Variants in MALRD1 observed in about 807,000 individuals in gnomAD.
MALRD1 encodes the protein MAM and LDL-receptor class A domain-containing protein 1.
In MALRD1, 247 loss-of-function variants were observed where a neutral mutation model predicts 242.1. The ratio of observed to expected loss-of-function variants is 1.02; its 90% confidence interval spans 0.92 to 1.13. MALRD1 has a LOEUF of 1.13. Among genes scored for constraint, MALRD1 ranks in the 50% most tolerant of loss-of-function variants. MALRD1 has a pLI of 0.00. For missense variants in MALRD1, 2,989 were observed against 2,533.1 expected (o/e 1.18, Z -3.86); for synonymous variants, 995 against 866.6 (o/e 1.15, Z -2.60).
chr10:19,324,661 G>A (rs1309503822), intron 22 of MALRD1, among the ~76,000 whole-genome samples: 1 of 149,462 alleles, frequency 6.7e-6, no homozygotes, highest in African/African-American at 2.5e-5. Context: ...AAAAAATCCA[G>A]TATAGGATAA....
At chr10:19,335,600 G>T (rs1843570744) in intron 24 of MALRD1, among the ~76,000 whole-genome samples, 1 of 152,072 alleles carries the variant, frequency 6.6e-6, no homozygotes, top group Non-Finnish European at 1.5e-5. Context: ...AGTTTGGCTG[G>T]CAACCAACCA....
chr10:19,667,650 T>C (rs1841732008), intron 36 of MALRD1, among the ~76,000 whole-genome samples: 4 of 152,076 alleles, frequency 2.6e-5, no homozygotes, highest in Non-Finnish European at 5.9e-5. Context: ...GCTTTCACCA[T>C]GTAATGTGCG....
At chr10:19,457,856 TAA>T (rs1006228224) in intron 29 of MALRD1, among the ~76,000 whole-genome samples, 4 of 151,898 alleles carry the variant, frequency 2.6e-5, no homozygotes, top group African/African-American at 9.7e-5. Context: ...AAAACATTGT[TAA>T]GTGATGTTTT....
At chr10:19,544,754 C>T (rs956048159) in intron 32 of MALRD1, among the ~76,000 whole-genome samples, 1 of 152,116 alleles carries the variant, frequency 6.6e-6, no homozygotes, top group Non-Finnish European at 1.5e-5. Context: ...CAAATCATTT[C>T]TCTACCTTCT....
chr10:19,635,696 T>C (rs1289589432), intron 36 of MALRD1, among the ~76,000 whole-genome samples: 1 of 152,154 alleles, frequency 6.6e-6, no homozygotes, highest in Non-Finnish European at 1.5e-5. Context: ...TTAAACATAG[T>C]GAAAGAATAA....
chr10:19,698,195 A>C (rs553001097), intron 38 of MALRD1, among the ~76,000 whole-genome samples: 1 of 152,196 alleles, frequency 6.6e-6, no homozygotes, highest in Non-Finnish European at 1.5e-5. Context: ...TTGAAGCCTG[A>C]GGAATAAAGG....
intron 31 of MALRD1, among the ~76,000 whole-genome samples, chr10:19,528,667 G>T (rs963867474): frequency 6.6e-6 from 1 of 152,098 alleles, no homozygotes; most frequent in Non-Finnish European, 1.5e-5. Context: ...GGGTGTTGTT[G>T]AAAAGAGAAA....
chr10:19,125,735 A>G (rs1837264291), intron 7 of MALRD1, among the ~76,000 whole-genome samples: 1 of 151,978 alleles, frequency 6.6e-6, no homozygotes, highest in African/African-American at 2.4e-5. Context: ...AGAAAGACCA[A>G]ACTATCATTT....
intron 18 of MALRD1, among the ~76,000 whole-genome samples, chr10:19,234,950 G>A (rs1838244639): frequency 6.6e-6 from 1 of 150,562 alleles, no homozygotes; most frequent in Admixed American, 6.6e-5. Flanking sequence ...AAAAAGATGA[G>A]GAGGTCTCTG....
chr10:19,154,186 T>C (rs1383639340), intron 11 of MALRD1, among the ~76,000 whole-genome samples: 1 of 152,222 alleles, frequency 6.6e-6, no homozygotes, highest in Non-Finnish European at 1.5e-5. Context: ...AACTGGGTTC[T>C]ATTTTTCCCA....
intron 31 of MALRD1, among the ~76,000 whole-genome samples, chr10:19,507,527 A>G (rs1003780093): frequency 1.3e-5 from 2 of 152,144 alleles, no homozygotes; most frequent in Non-Finnish European, 2.9e-5. Context: ...TAATAATAAT[A>G]ATATCTCTTC....
chr10:19,587,775 G>A (rs779905626), intron 33 of MALRD1, among the ~76,000 whole-genome samples: 1 of 150,820 alleles, frequency 6.6e-6, no homozygotes, highest in African/African-American at 2.4e-5. Flanking sequence ...TGGGAATGTC[G>A]AAGTTCCTAA....
chr10:19,134,730 A>T (rs1328347811), intron 9 of MALRD1, among the ~76,000 whole-genome samples: 2 of 152,336 alleles, frequency 1.3e-5, no homozygotes, highest in East Asian at 1.9e-4. Context: ...GGTACTAAAC[A>T]AGTTTCTTTT....
chr10:19,516,682 CTCCTCCCTCCCT>C (rs1223494528), intron 31 of MALRD1, among the ~76,000 whole-genome samples: 1 of 150,630 alleles, frequency 6.6e-6, no homozygotes, highest in Non-Finnish European at 1.5e-5. Flanking sequence ...TCCTCCTCAT[CTCCTCCCTCCCT>C]TCCTCCCTCC....
rs117342738 is a variant in MALRD1 at position 19,706,563 on chromosome 10, G to T, written c.6314+14009G>T. On this transcript the variant is annotated intron_variant, in intron 38 of 39. Transcript: ENST00000454679. ...ACAGGATTTTTGCCACATGGGCCAG[G>T]CTAGTCTCAAACTCCTGACCTCAGG... 2.5e-3 allele frequency among the ~76,000 whole-genome samples: 383 copies of T among 152,112 alleles called. 10 individuals carry two copies. The East Asian group carries it at 0.053, about 21-fold the overall frequency.
At chr10:19,141,085 A>G (rs72788947) in intron 10 of MALRD1, among the ~76,000 whole-genome samples, 9,945 of 152,276 alleles carry the variant, frequency 0.065, 430 homozygotes, top group Middle Eastern at 0.1. Context: ...ACATCAATAA[A>G]GCTTAAAAAA....
intron 33 of MALRD1, among the ~76,000 whole-genome samples, chr10:19,589,483 C>T (rs547330288): frequency 3.8e-4 from 58 of 152,240 alleles, no homozygotes; most frequent in African/African-American, 1.4e-3. Flanking sequence ...GATTCCAACA[C>T]ACTTGAAACT....
rs185298650 is a variant in MALRD1, at chr10:19,296,911, C to G, written c.3419+13730C>G. Among the ~76,000 whole-genome samples the G allele has an allele frequency of 2.6e-3, 396 of 151,806 alleles. 2 individuals are homozygous for G. The highest frequency in any genetic ancestry group is 6.9e-3 in the Middle Eastern group (2 of 290). On this transcript the variant is annotated intron_variant, in intron 21 of 39. Transcript: ENST00000454679. ...TTTGTTTTTGTGTTTTCATAAGGCT[C>G]TCATGATTATTACTAATTATGTTTT... is the stretch of plus-strand genomic sequence containing the variant.
intron 32 of MALRD1, among the ~76,000 whole-genome samples, chr10:19,532,876 A>T (rs1306622641): frequency 6.6e-6 from 1 of 152,224 alleles, no homozygotes; most frequent in Non-Finnish European, 1.5e-5. Context: ...TTTTACATCT[A>T]ATCGATGAAT....
Sources: allele counts gnomAD v4.1 joint callset (sites outside exome capture counted in the v4.1 genomes callset), GRCh38; gene constraint gnomAD v4.1.1; transcripts MANE v1.5; gene names NCBI Gene and HGNC (gene_info 2026-07-23, HGNC 2026-07-21).